The following NTM variants were observed in gnomAD, a reference collection of about 807,000 sequenced individuals.
The protein encoded by NTM is IgLON family member 2.
NTM carries 13 observed loss-of-function variants against 42.1 expected under a neutral mutation model. The observed-to-expected ratio is 0.31, with a 90% CI of 0.20 to 0.49. The LOEUF is 0.49. NTM is among the 20% of genes least tolerant of loss of function. The pLI is 0.99. For synonymous variants in NTM, 187 were observed against 179.2 expected, an observed-to-expected ratio of 1.04 and a Z score of -0.35; for missense variants, 373 against 452.8, an observed-to-expected ratio of 0.82 and a Z score of 1.60.
chr11:131,424,933 G>A (rs1947968281), intron 1 of NTM, among the ~76,000 whole-genome samples: 2 of 144,438 alleles, frequency 1.4e-5, no homozygotes, highest in South Asian at 4.5e-4. Flanking sequence ...AGGTTGGAAT[G>A]CGGTGGCTCG....
chr11:131,539,902 C>G (rs1236570617), intron 1 of NTM, among the ~76,000 whole-genome samples: 1 of 152,174 alleles, frequency 6.6e-6, no homozygotes, highest in Non-Finnish European at 1.5e-5. Flanking sequence ...AAAAACTCAT[C>G]TCTGTTTGTG....
chr11:131,387,716 A>G (rs771499834), intron 1 of NTM, among the ~76,000 whole-genome samples: 3 of 152,226 alleles, frequency 2.0e-5, no homozygotes, highest in Non-Finnish European at 4.4e-5. Context: ...CATGTAGCAA[A>G]ATATCACAGG....
At chr11:132,127,146 G>C (rs1179364321) in intron 2 of NTM, among the ~76,000 whole-genome samples, 1 of 152,170 alleles carries the variant, frequency 6.6e-6, no homozygotes, top group Non-Finnish European at 1.5e-5. Context: ...GGTTGACTCT[G>C]CCCTCTGGTG....
At chr11:131,383,803 G>T (rs1750561142) in intron 1 of NTM, among the ~76,000 whole-genome samples, 1 of 152,166 alleles carries the variant, frequency 6.6e-6, no homozygotes, top group African/African-American at 2.4e-5. Context: ...CGTTGAAAAT[G>T]GTAATGTGTC....
chr11:131,632,465 T>C (rs78183600), intron 1 of NTM, among the ~76,000 whole-genome samples: 9,108 of 152,186 alleles, frequency 0.06, 706 homozygotes, highest in African/African-American at 0.18. Context: ...CCCATGTTTT[T>C]TGTTACATAA....
At chr11:131,564,740 C>T (rs1471370713) in intron 1 of NTM, among the ~76,000 whole-genome samples, 1 of 151,996 alleles carries the variant, frequency 6.6e-6, no homozygotes, top group East Asian at 1.9e-4. Flanking sequence ...GAGATCTAGC[C>T]CCTTAACAAT....
chr11:132,198,180 C>G (rs2080579488), intron 3 of NTM, among the ~76,000 whole-genome samples: 1 of 152,130 alleles, frequency 6.6e-6, no homozygotes, highest in Admixed American at 6.6e-5. Context: ...AAATAACTTT[C>G]TGAAACATAT....
chr11:131,652,080 G>A (rs1412647019), intron 1 of NTM, among the ~76,000 whole-genome samples: 1 of 89,056 alleles, frequency 1.1e-5, no homozygotes, highest in South Asian at 4.5e-4. Context: ...TGTCACTCGA[G>A]TTCTAGACTT....
chr11:132,106,087 C>G (rs1177137621), intron 2 of NTM, among the ~76,000 whole-genome samples: 1 of 152,136 alleles, frequency 6.6e-6, no homozygotes, highest in Non-Finnish European at 1.5e-5. Flanking sequence ...TAGTGAGGTT[C>G]AATTACTTAC....
intron 4 of NTM, among the ~76,000 whole-genome samples, chr11:132,257,409 T>G (rs367821217): frequency 6.6e-6 from 1 of 152,206 alleles, no homozygotes; most frequent in South Asian, 2.1e-4. Context: ...GGAAATAGCC[T>G]GAGTTACATG....
At chr11:132,247,089 G>A (rs1288785043) in intron 4 of NTM, among the ~76,000 whole-genome samples, 2 of 152,262 alleles carry the variant, frequency 1.3e-5, no homozygotes, top group East Asian at 3.9e-4. Flanking sequence ...ACCTTCCTGG[G>A]CACCAGTTTT....
chr11:132,208,347 G>T (rs115021868), intron 3 of NTM, among the ~76,000 whole-genome samples: 1,553 of 152,258 alleles, frequency 0.01, 33 homozygotes, highest in African/African-American at 0.036. Flanking sequence ...AATTGGGATT[G>T]CTCCCCTAGT....
chr11:131,544,506 A>G (rs1249876136), intron 1 of NTM, among the ~76,000 whole-genome samples: 1 of 151,274 alleles, frequency 6.6e-6, no homozygotes, highest in African/African-American at 2.4e-5. Context: ...CTCATCCTCT[A>G]TCCCTAGATA....
At chr11:131,464,485 A>G (rs538935311) in intron 1 of NTM, among the ~76,000 whole-genome samples, 2 of 152,236 alleles carry the variant, frequency 1.3e-5, no homozygotes, top group South Asian at 4.1e-4. Context: ...GCTCCTCAAC[A>G]GATTTGCCTC....
At chr11:131,532,455 CA>C (rs1266348200) in intron 1 of NTM, among the ~76,000 whole-genome samples, 2 of 152,200 alleles carry the variant, frequency 1.3e-5, no homozygotes, top group East Asian at 3.9e-4. Context: ...ACATTGTGAT[CA>C]CCCACTCCTC....
At chr11:131,963,629 C>T (rs972062437) in intron 2 of NTM, among the ~76,000 whole-genome samples, 2 of 152,140 alleles carry the variant, frequency 1.3e-5, no homozygotes, top group African/African-American at 4.8e-5. Flanking sequence ...TGAGAGCATC[C>T]CTTGATTCAG....
At chr11:131,425,689 G>A (rs1948062907) in intron 1 of NTM, among the ~76,000 whole-genome samples, 1 of 152,174 alleles carries the variant, frequency 6.6e-6, no homozygotes, top group South Asian at 2.1e-4. Context: ...CCTGGTTTAA[G>A]GCAAGTCTCT....
chr11:131,471,183 C>A (rs1229716658), intron 1 of NTM, among the ~76,000 whole-genome samples: 3 of 152,168 alleles, frequency 2.0e-5, no homozygotes, highest in Admixed American at 6.5e-5. Context: ...CAGCCTCAAC[C>A]CAGATAACTC....
intron 1 of NTM, among the ~76,000 whole-genome samples, chr11:131,616,296 C>A (rs1193640520): frequency 6.6e-6 from 1 of 152,216 alleles, no homozygotes; most frequent in Non-Finnish European, 1.5e-5. Flanking sequence ...TGCTCAACAT[C>A]CCTATCACCC....
Sources: gnomAD v4.1 joint callset for allele counts (sites outside exome capture counted in the v4.1 genomes callset) on GRCh38, gnomAD v4.1.1 for gene constraint, MANE v1.5 for transcripts, NCBI Gene and HGNC (gene_info 2026-07-23, HGNC 2026-07-21) for gene names.